Variants in IP6K2 observed in about 807,000 individuals in gnomAD.
The protein encoded by IP6K2 is ATP:1D-myo-inositol-hexakisphosphate phosphotransferase.
In IP6K2, 9 loss-of-function variants were observed where a neutral mutation model predicts 43.3. That is an observed-to-expected ratio of 0.21 (90% confidence interval 0.13 to 0.36). IP6K2 has a LOEUF of 0.36. Among genes scored for constraint, IP6K2 ranks in the 10% least tolerant of loss-of-function variants. The probability of loss-of-function intolerance (pLI) is 1.00; values close to 1 mark genes in which losing one functional copy is unlikely to be tolerated. For missense variants in IP6K2, 332 were observed against 538.4 expected (o/e 0.62, Z 3.79); for synonymous variants, 209 against 202.4 (o/e 1.03, Z -0.28).
intron 1 of IP6K2, among the ~76,000 whole-genome samples, chr3:48,711,021 A>G (rs1193237329): frequency 6.6e-6 from 1 of 151,910 alleles, no homozygotes; most frequent in Non-Finnish European, 1.5e-5. Context: ...TAATTCTCCC[A>G]TCTCAGCCTC....
At chr3:48,698,787 A>T (rs1212190942) in intron 1 of IP6K2, among the ~76,000 whole-genome samples, 1 of 152,014 alleles carries the variant, frequency 6.6e-6, no homozygotes, top group Non-Finnish European at 1.5e-5. Context: ...ATTTTTAAAA[A>T]ACTCAGCTAG....
At chr3:48,713,428 G>A (rs1219985129) in intron 1 of IP6K2, among the ~76,000 whole-genome samples, 2 of 152,224 alleles carry the variant, frequency 1.3e-5, no homozygotes, top group Non-Finnish European at 2.9e-5. Context: ...AGCAGGCAAC[G>A]TGGCAGCCTT....
At chr3:48,693,498 C>A in intron 2 of IP6K2, 1 of 1,276,204 alleles carries the variant, frequency 7.8e-7, no homozygotes, top group East Asian at 4.2e-5. Context: ...TCTTCTAATC[C>A]TAAAAGACTG....
chr3:48,688,200 G>T lies in IP6K2; in HGVS notation c.*73C>A. 6.5e-7 allele frequency: 1 copy of T among 1,545,024 alleles called. No homozygotes were observed. The highest frequency in any genetic ancestry group is 8.8e-7 in the Non-Finnish European group (1 of 1,133,258). ...CAGGAGCCACCACCTGGCCATACTG[G>T]CTTCCTCCCTGACGCAGCACAGCTG... On this transcript the variant is annotated 3_prime_UTR_variant, in exon 6 of 6. Transcript: ENST00000328631. This position sits in a 1 kb window ranked among gnomAD's most constrained non-coding sequence, Gnocchi z 5.1.
chr3:48,712,366 C>A (rs2080642910), intron 1 of IP6K2, among the ~76,000 whole-genome samples: 2 of 151,670 alleles, frequency 1.3e-5, no homozygotes, highest in African/African-American at 4.8e-5. Context: ...CCTCAGCCTC[C>A]CGAGTAGCTG....
At chr3:48,715,034 A>G (rs1034453202) in intron 1 of IP6K2, among the ~76,000 whole-genome samples, 1 of 152,256 alleles carries the variant, frequency 6.6e-6, no homozygotes, top group East Asian at 1.9e-4. Flanking sequence ...ATTTTTGGAG[A>G]GAAGGACATT....
At chr3:48,701,357 A>C (rs1016993284) in intron 1 of IP6K2, among the ~76,000 whole-genome samples, 2 of 152,024 alleles carry the variant, frequency 1.3e-5, no homozygotes, top group African/African-American at 4.8e-5. Context: ...GCCTGAGCTC[A>C]GAAGTTCGAG....
intron 2 of IP6K2, chr3:48,694,632 C>G: frequency 5.3e-6 from 8 of 1,516,984 alleles, no homozygotes; most frequent in Non-Finnish European, 7.0e-6. Context: ...AGGGCTTGGG[C>G]TAATCAGCAC....
At chr3:48,712,854 A>G (rs915888427) in intron 1 of IP6K2, among the ~76,000 whole-genome samples, 1 of 151,996 alleles carries the variant, frequency 6.6e-6, no homozygotes, top group Non-Finnish European at 1.5e-5. Flanking sequence ...CCATCACTAC[A>G]AAAATACAAT....
At chr3:48,691,207 T>C in intron 4 of IP6K2, 100 bp downstream of exon 4, 1 of 961,694 alleles carries the variant, frequency 1.0e-6, no homozygotes, top group South Asian at 1.6e-5. Flanking sequence ...AACTCAACCA[T>C]GACTATAAAA....
chr3:48,696,011 G>A (rs776665201), intron 1 of IP6K2, among the ~76,000 whole-genome samples: 9 of 151,228 alleles, frequency 6.0e-5, no homozygotes, highest in African/African-American at 1.7e-4. Flanking sequence ...TCAGCCTCCC[G>A]AGTAGCTGGG....
chr3:48,708,471 T>A (rs1055817104), intron 1 of IP6K2, among the ~76,000 whole-genome samples: 3 of 152,110 alleles, frequency 2.0e-5, no homozygotes, highest in East Asian at 1.9e-4. Context: ...CCTCAAGTGA[T>A]CCTTCCGCCT....
rs992377904 is a variant in IP6K2 at position 48,717,192 on chromosome 3, C to T, written c.-166G>A. ...AGCCGGGTTCCTCGGCGTTTCCGTCCTATTGTTTCTCTCGCACCAAAATGG... is the reference window on the plus strand; with the variant it reads ...AGCCGGGTTCCTCGGCGTTTCCGTCTTATTGTTTCTCTCGCACCAAAATGG... On this transcript the variant is annotated 5_prime_UTR_variant, in exon 1 of 6. Transcript: ENST00000328631. 6.5e-6 allele frequency: 1 copy of T among 154,970 alleles called. No individual in the cohort carries two copies. The highest frequency in any genetic ancestry group is 1.5e-5 in the Non-Finnish European group (1 of 68,320). 9.6% of individuals were successfully genotyped at this position (154,970 alleles called of 1,614,324 possible).
Position 48,695,937 on chromosome 3 carries a change from T to C in IP6K2, c.-130-516A>G, listed in dbSNP as rs545594956. 6.6e-5 allele frequency among the ~76,000 whole-genome samples: 10 copies of C among 150,504 alleles called. No individual in the cohort carries two copies. Among genetic ancestry groups the C allele is most frequent in the African/African-American group, 1.9e-4 (8 of 41,058 alleles). ...GTCTCACTCTATCGCCAGGCGGGAG[T>C]GCAGTGGCACAATCTCGACTCACTG... On this transcript the variant is annotated intron_variant, in intron 1 of 5. Coordinates refer to ENST00000328631, the MANE Select transcript of IP6K2 (RefSeq NM_016291.4). The surrounding 1 kb of genome is among the most constrained non-coding windows in gnomAD (Gnocchi z 4.6).
chr3:48,690,009 G>A (rs1207778424), intron 4 of IP6K2, among the ~76,000 whole-genome samples: 6 of 152,190 alleles, frequency 3.9e-5, no homozygotes, highest in Non-Finnish European at 7.3e-5. Flanking sequence ...GCTAAGTGTA[G>A]GACTAGGGTC....
At chr3:48,709,431 G>A (rs1338017311) in intron 1 of IP6K2, among the ~76,000 whole-genome samples, 3 of 152,188 alleles carry the variant, frequency 2.0e-5, no homozygotes, top group Admixed American at 6.5e-5. Context: ...CTCCAGGTTC[G>A]TGGCAGCAAT....
At chr3:48,697,488 A>ATTTTTTTTTTT (rs35746542) in intron 1 of IP6K2, among the ~76,000 whole-genome samples, 235 of 64,328 alleles carry the variant, frequency 3.7e-3, no homozygotes, top group Non-Finnish European at 4.2e-3. Flanking sequence ...ATGCCTGGCT[A>ATTTTTTTTTTT]TTTTTTTTTT....
chr3:48,695,123 C>T lies in IP6K2; in HGVS notation c.169G>A (p.Ala57Thr), dbSNP rs761841215. Residue 57 changes from alanine (A) to threonine (T), a missense_variant, in exon 2 of 6, where the codon GCT becomes ACT. Coordinates refer to ENST00000328631, the MANE Select transcript of IP6K2 (RefSeq NM_016291.4). This position sits in a 1 kb window ranked among gnomAD's most constrained non-coding sequence, Gnocchi z 4.6. ...TGGGGAGTGAATTTGCGCATCTCAG[C>T]AGGGAGGGTCTCGTAGAACTGATGT... ...REHQFYETLP[A>T]EMRKFTPQYK... is the part of the protein sequence containing the mutation. 7.4e-6 allele frequency: 12 copies of T among 1,612,272 alleles called. No homozygotes were observed. The Middle Eastern group carries it at 4.9e-4, about 66-fold the overall frequency.
At chr3:48,701,666 G>A (rs1021203068) in intron 1 of IP6K2, among the ~76,000 whole-genome samples, 4 of 151,454 alleles carry the variant, frequency 2.6e-5, no homozygotes, top group Admixed American at 6.6e-5. Context: ...GGGAGGCCGA[G>A]GCAGGTGATC....
Sources: allele counts gnomAD v4.1 joint callset (sites outside exome capture counted in the v4.1 genomes callset), GRCh38; gene constraint gnomAD v4.1.1; non-coding constraint Gnocchi (gnomAD v3.1); transcripts MANE v1.5; gene names NCBI Gene and HGNC (gene_info 2026-07-23, HGNC 2026-07-21).